SLC35D4: variants seen among roughly 807,000 people sequenced by gnomAD.
SLC35D4 encodes UDP-N-acetylglucosamine transporter SLC35D4.
the SLC35D4 span, among the ~76,000 whole-genome samples, chr18:23,244,122 G>T: frequency 6.6e-6 from 1 of 152,226 alleles, no homozygotes; most frequent in Non-Finnish European, 1.5e-5. Flanking sequence ...TGTTTCAGCA[G>T]CTTGCGTTTA....
the SLC35D4 span, among the ~76,000 whole-genome samples, chr18:23,417,155 T>C: frequency 2.0e-5 from 3 of 151,564 alleles, no homozygotes; most frequent in Non-Finnish European, 4.4e-5. Flanking sequence ...GGTGGGAGGA[T>C]AGCTTGAGCC....
chr18:23,374,501 T>TTTG, the SLC35D4 span, among the ~76,000 whole-genome samples: 1 of 151,804 alleles, frequency 6.6e-6, no homozygotes, highest in African/African-American at 2.4e-5. Flanking sequence ...TTTTTTTTTT[T>TTTG]TGAGATGGAG....
the SLC35D4 span, among the ~76,000 whole-genome samples, chr18:23,340,110 A>G: frequency 6.6e-6 from 1 of 152,118 alleles, no homozygotes; most frequent in African/African-American, 2.4e-5. Flanking sequence ...TGCCCAGGAC[A>G]TCTCTAGTAT....
chr18:23,426,207 ACAAT>A, the SLC35D4 span, among the ~76,000 whole-genome samples: 3 of 152,240 alleles, frequency 2.0e-5, no homozygotes, highest in African/African-American at 4.8e-5. Flanking sequence ...CATGAAAGAA[ACAAT>A]CAATATATTT....
At chr18:23,282,021 C>T in the SLC35D4 span, among the ~76,000 whole-genome samples, 4 of 152,204 alleles carry the variant, frequency 2.6e-5, no homozygotes, top group Non-Finnish European at 1.5e-5. Context: ...TAGAGGAGCC[C>T]TTTTCATTAA....
At chr18:23,393,127 G>A in the SLC35D4 span, among the ~76,000 whole-genome samples, 1 of 151,992 alleles carries the variant, frequency 6.6e-6, no homozygotes, top group Non-Finnish European at 1.5e-5. Context: ...ATGTTGGCCA[G>A]GATGGTCTCG....
chr18:23,389,156 T>C, the SLC35D4 span, among the ~76,000 whole-genome samples: 3 of 151,904 alleles, frequency 2.0e-5, no homozygotes, highest in African/African-American at 7.3e-5. Flanking sequence ...GCCCAGCTGA[T>C]TTTTGTATTT....
the SLC35D4 span, among the ~76,000 whole-genome samples, chr18:23,381,470 T>C: frequency 6.6e-6 from 1 of 152,132 alleles, no homozygotes; most frequent in African/African-American, 2.4e-5. Context: ...CTCCCAAAGC[T>C]TTTTGATTAC....
At chr18:23,263,231 G>T in the SLC35D4 span, among the ~76,000 whole-genome samples, 4 of 152,230 alleles carry the variant, frequency 2.6e-5, no homozygotes, top group African/African-American at 4.8e-5. Flanking sequence ...TAACATGGTG[G>T]AGGGCCAAAG....
the SLC35D4 span, chr18:23,371,380 C>T: frequency 3.4e-6 from 5 of 1,469,994 alleles, no homozygotes; most frequent in Non-Finnish European, 4.5e-6. Context: ...CAGGTATGAG[C>T]CACCGTGCCC....
At chr18:23,398,665 T>C in the SLC35D4 span, among the ~76,000 whole-genome samples, 6 of 152,392 alleles carry the variant, frequency 3.9e-5, no homozygotes, top group South Asian at 1.2e-3. Context: ...TCCTCACTGC[T>C]ATTTTGCAAC....
chr18:23,371,948 T>TTTTTTTTTTG, the SLC35D4 span, among the ~76,000 whole-genome samples: 1 of 98,764 alleles, frequency 1.0e-5, no homozygotes, highest in African/African-American at 4.3e-5. Context: ...TTTTTTTTTT[T>TTTTTTTTTTG]TTTTTGAGAC....
the SLC35D4 span, among the ~76,000 whole-genome samples, chr18:23,425,394 C>A: frequency 6.6e-6 from 1 of 152,120 alleles, no homozygotes; most frequent in Non-Finnish European, 1.5e-5. Context: ...AGCCACTGTG[C>A]CCAGCCAAAA....
chr18:23,388,122 A>G, the SLC35D4 span, among the ~76,000 whole-genome samples: 1 of 152,370 alleles, frequency 6.6e-6, no homozygotes, highest in African/African-American at 2.4e-5. Flanking sequence ...AAAATCAGTA[A>G]TGAGGTCAGA....
At chr18:23,275,359 G>A in the SLC35D4 span, among the ~76,000 whole-genome samples, 205 of 152,224 alleles carry the variant, frequency 1.3e-3, 2 homozygotes, top group East Asian at 0.02. Context: ...ATAATTCTAG[G>A]TGCAGCCTTG....
the SLC35D4 span, among the ~76,000 whole-genome samples, chr18:23,304,707 G>T: frequency 2.6e-5 from 4 of 152,152 alleles, no homozygotes; most frequent in African/African-American, 4.8e-5. Context: ...AGAGGAAGAG[G>T]GGGGAGGAAG....
the SLC35D4 span, among the ~76,000 whole-genome samples, chr18:23,387,455 C>T: frequency 4.6e-5 from 7 of 152,170 alleles, no homozygotes; most frequent in African/African-American, 1.7e-4. Context: ...CTCAGCAGCA[C>T]TGCACAAAGG....
At chr18:23,260,950 C>T in the SLC35D4 span, among the ~76,000 whole-genome samples, 2 of 152,180 alleles carry the variant, frequency 1.3e-5, no homozygotes, top group Non-Finnish European at 2.9e-5. Context: ...CCTCTTGCCA[C>T]CTGCACACAG....
At chr18:23,259,223 G>C in the SLC35D4 span, 6 of 152,140 alleles carry the variant, frequency 3.9e-5, no homozygotes, top group African/African-American at 1.2e-4. Context: ...GTGCCTACAG[G>C]GGGAGAGCCT....
Sources: allele counts gnomAD v4.1 joint callset (sites outside exome capture counted in the v4.1 genomes callset), GRCh38; gene constraint gnomAD v4.1.1; transcripts MANE v1.5; gene names NCBI Gene and HGNC (gene_info 2026-07-23, HGNC 2026-07-21).